Variants in SMC1A observed in about 807,000 individuals in gnomAD.
SMC1A encodes structural maintenance of chromosomes 1A.
A neutral mutation model predicts 94.5 loss-of-function variants in SMC1A; 4 were observed. The ratio of observed to expected loss-of-function variants is 0.04; its 90% CI spans 0.02 to 0.10. The LOEUF (loss-of-function observed/expected upper bound fraction) is 0.10, where lower values mean the gene tolerates loss of function less well. Ranked by LOEUF, SMC1A falls within the 10% of genes least tolerant of loss-of-function variation. SMC1A has a pLI of 1.00. For synonymous variants in SMC1A, 345 were observed against 347.7 expected (o/e 0.99, Z 0.09); for missense variants, 304 against 989.0 (o/e 0.31, Z 9.29).
In SMC1A at chrX:53,374,782, G is replaced by A. The variant is rs1346270271; in HGVS notation, c.*5321C>T. On this transcript the variant is annotated 3_prime_UTR_variant, in exon 25 of 25. Coordinates refer to ENST00000322213, the MANE Select transcript of SMC1A (RefSeq NM_006306.4). ...ATTATACAAATGTCTCATGACCTCTGCTTACTTATGGTTTCTGCAGCTTTC... is the reference window on the plus strand; with the variant it reads ...ATTATACAAATGTCTCATGACCTCTACTTACTTATGGTTTCTGCAGCTTTC... 1.8e-5 allele frequency: 2 copies of A among 112,306 alleles called. No homozygotes were observed. Among genetic ancestry groups the A allele is most frequent in the African/African-American group, 6.5e-5 (2 of 30,784 alleles). The allele number at this position is 112,306 out of a possible 1,213,427, so 9.3% of individuals were successfully genotyped here.
intron 7 of SMC1A, 43 bp from the exon 8 acceptor site, chrX:53,409,546 C>T (rs187335221): frequency 1.7e-5 from 18 of 1,065,480 alleles, no homozygotes; most frequent in Admixed American, 2.2e-5. Context: ...CACGAGTTTA[C>T]GCCAAGACCA....
At chrX:53,422,199 A>C (rs1175302602) in intron 1 of SMC1A, among the ~76,000 whole-genome samples, 3 of 112,043 alleles carry the variant, frequency 2.7e-5, no homozygotes, top group African/African-American at 6.5e-5. Flanking sequence ...AGCTGGTTCC[A>C]GACGCGACTC....
chrX:53,407,319 C>T (rs2075695014), intron 9 of SMC1A, among the ~76,000 whole-genome samples: 1 of 111,601 alleles, frequency 9.0e-6, no homozygotes, highest in Non-Finnish European at 1.9e-5. Context: ...TCACCGATGG[C>T]TGATGATCTG....
chrX:53,382,450 G>A, intron 21 of SMC1A, 56 bp downstream of exon 21: 1 of 1,199,112 alleles, frequency 8.3e-7, no homozygotes, highest in African/African-American at 1.7e-5. Context: ...AGGAAGCCTA[G>A]AGGGAAGGAC....
chrX:53,394,757 A>ACCCCCCCCCCCCCCCCC, intron 19 of SMC1A, 21 bp downstream of exon 19: 1 of 284,081 alleles, frequency 3.5e-6, no homozygotes. Context: ...CCCCCACCAC[A>ACCCCCCCCCCCCCCCCC]CCCCTGTGGT....
chrX:53,405,463 C>T (rs1556889553), intron 11 of SMC1A, 30 bp downstream of exon 11: 1 of 1,211,477 alleles, frequency 8.3e-7, no homozygotes. Context: ...TGAGCCTGTC[C>T]AGCTCCAGCC....
chrX:53,409,585 GC>G, intron 7 of SMC1A, 82 bp from the exon 8 acceptor site: 1 of 760,806 alleles, frequency 1.3e-6, no homozygotes, highest in Non-Finnish European at 2.1e-6. Context: ...CCCTTTATGT[GC>G]CCACTCATCC....
At chrX:53,404,969 T>C (rs1556889449) in intron 13 of SMC1A, 43 bp downstream of exon 13, 1 of 1,171,392 alleles carries the variant, frequency 8.5e-7, no homozygotes, top group South Asian at 1.9e-5. Context: ...GCCAGGAATG[T>C]GTGGATGGCC....
chrX:53,381,531 T>C (rs2075583004), intron 22 of SMC1A: 1 of 134,000 alleles, frequency 7.5e-6, no homozygotes, highest in South Asian at 2.4e-4. Context: ...TTACATCTCC[T>C]GCTCAAGTGG....
At chrX:53,382,698 G>C (rs782499967) in intron 20 of SMC1A, 38 bp from the exon 21 acceptor site, 11 of 1,201,276 alleles carry the variant, frequency 9.2e-6, no homozygotes, top group Non-Finnish European at 1.2e-5. Context: ...TCAGTGCCCT[G>C]GCAAGAAGGA....
chrX:53,380,259 CA>C, intron 24 of SMC1A, 73 bp from the exon 25 acceptor site: 1 of 780,468 alleles, frequency 1.3e-6, no homozygotes, highest in Non-Finnish European at 1.9e-6. Flanking sequence ...GCCCCAGGAC[CA>C]GGGGCCTCAA....
At chrX:53,390,360 C>T (rs782111522) in intron 19 of SMC1A, among the ~76,000 whole-genome samples, 12 of 108,244 alleles carry the variant, frequency 1.1e-4, no homozygotes, top group African/African-American at 3.0e-4. Flanking sequence ...AGGTGGTGGG[C>T]GCCTGTAATC....
chrX:53,401,910 C>CT lies in SMC1A; in HGVS notation c.2420+1655dup, dbSNP rs1200121305. Among the ~76,000 whole-genome samples the CT allele has an allele frequency of 4.5e-3, 457 of 102,179 alleles. 1 individual carries two copies. The highest frequency in any genetic ancestry group is 0.012 in the South Asian group (29 of 2,357). The allele number at this position is 102,179 out of a possible 115,157, so 88.7% of individuals were successfully genotyped here. ...GAAAGCCTATCTATATTATTTGCCA[C>CT]TTTTTTTTTTTTTACTTTTTTCATT... On this transcript the variant is annotated intron_variant, in intron 15 of 24. Transcript: ENST00000322213.
chrX:53,411,071 C>T (rs1477000634), intron 7 of SMC1A, among the ~76,000 whole-genome samples: 1 of 109,110 alleles, frequency 9.2e-6, no homozygotes, highest in Non-Finnish European at 1.9e-5. Flanking sequence ...CCTCAGCCTG[C>T]ATGACAGAGA....
Position 53,421,833 on chromosome X carries a change from T to C in SMC1A, c.109+659A>G, listed in dbSNP as rs949247601. On this transcript the variant is annotated intron_variant, in intron 1 of 24. Coordinates refer to ENST00000322213, the MANE Select transcript of SMC1A (RefSeq NM_006306.4). ...ATAAGCATTCAACAAATTTGGTAAA[T>C]TAGTTAATTTCGGCTTTTGACGGTT... 39 of 1,103,763 alleles carry C rather than the reference T, an allele frequency of 3.5e-5. No individual in the cohort carries two copies. The African/African-American group carries it at 7.1e-4, about 20-fold the overall frequency. The allele number at this position is 1,103,763 out of a possible 1,213,427, so 91.0% of individuals were successfully genotyped here. A position where few individuals can be genotyped will look rare whatever the true frequency, so the allele number is the denominator to read the frequency against.
At chrX:53,390,123 C>T (rs1211673692) in intron 19 of SMC1A, among the ~76,000 whole-genome samples, 4 of 102,075 alleles carry the variant, frequency 3.9e-5, no homozygotes, top group Non-Finnish European at 7.9e-5. Context: ...GGATTACAGG[C>T]GTGAGCCACC....
At chrX:53,419,452 G>A (rs1302860557) in intron 1 of SMC1A, among the ~76,000 whole-genome samples, 15 of 108,813 alleles carry the variant, frequency 1.4e-4, no homozygotes, top group Non-Finnish European at 2.7e-4. Flanking sequence ...GCTTGAGCCC[G>A]AGAAGTTGAG....
At chrX:53,410,099 G>A (rs1215598353) in intron 7 of SMC1A, among the ~76,000 whole-genome samples, 2 of 111,253 alleles carry the variant, frequency 1.8e-5, no homozygotes, top group African/African-American at 6.5e-5. Flanking sequence ...TATCATTGCT[G>A]TTATTACAAT....
chrX:53,419,611 G>C (rs1602416816), intron 1 of SMC1A, among the ~76,000 whole-genome samples: 2 of 108,180 alleles, frequency 1.8e-5, no homozygotes, highest in Admixed American at 2.0e-4. Flanking sequence ...AGATCACGGG[G>C]TCAGGAGTTT....
Sources: allele counts gnomAD v4.1 joint callset (sites outside exome capture counted in the v4.1 genomes callset), GRCh38; gene constraint gnomAD v4.1.1; transcripts MANE v1.5; gene names NCBI Gene and HGNC (gene_info 2026-07-23, HGNC 2026-07-21).